The following MYO6 variants were observed in gnomAD, a reference collection of about 807,000 sequenced individuals.
MYO6 encodes the protein myosin VI.
A neutral mutation model predicts 178.7 loss-of-function variants in MYO6; 74 were observed. That is an observed-to-expected ratio of 0.41 (90% CI 0.34 to 0.50). MYO6 has a LOEUF of 0.50. Ranked by LOEUF, MYO6 falls within the 20% of genes least tolerant of loss-of-function variation. MYO6 has a pLI of 0.09. For missense variants in MYO6, 1,330 were observed against 1,547.4 expected, an observed-to-expected ratio of 0.86 and a Z score of 2.36; for synonymous variants, 477 against 504.6, an observed-to-expected ratio of 0.95 and a Z score of 0.73.
At chr6:75,901,802 C>T (rs993463858) in intron 30 of MYO6, among the ~76,000 whole-genome samples, 17 of 152,116 alleles carry the variant, frequency 1.1e-4, no homozygotes, top group East Asian at 7.7e-4. Flanking sequence ...TGTCTTGTGC[C>T]GGTTTTCACA....
At chr6:75,809,777 T>C (rs1770488700) in intron 1 of MYO6, among the ~76,000 whole-genome samples, 1 of 151,480 alleles carries the variant, frequency 6.6e-6, no homozygotes, top group Admixed American at 6.6e-5. Flanking sequence ...ATAAGGGGGA[T>C]GTCAGCCCGG....
At chr6:75,885,705 C>G (rs1315851693) in intron 23 of MYO6, among the ~76,000 whole-genome samples, 1 of 152,064 alleles carries the variant, frequency 6.6e-6, no homozygotes, top group African/African-American at 2.4e-5. Context: ...CTTGGCCTCC[C>G]GAAGTGCTGG....
Position 75,866,514 on chromosome 6 carries a change from A to G in MYO6, c.1675-12A>G, listed in dbSNP as rs745698362. On this transcript the variant is annotated splice_polypyrimidine_tract_variant and intron_variant, in intron 16 of 34. Coordinates refer to ENST00000369977, the MANE Select transcript of MYO6 (RefSeq NM_004999.4). ...TGATCATTTAATAACTCATATATGT[A>G]TTGTTTTTCAGATTCCCAGAAAATC... The G allele has an allele frequency of 1.3e-6, 2 of 1,591,276 alleles. No individual in the cohort carries two copies. The highest frequency in any genetic ancestry group is 2.7e-5 in the African/African-American group (2 of 74,594).
Position 75,915,173 on chromosome 6 carries a change from A to G in MYO6, c.*161A>G. On this transcript the variant is annotated 3_prime_UTR_variant, in exon 35 of 35. Transcript: ENST00000369977. Reference sequence around the variant, plus strand: ...TTGGTGAATTTGTTTAAGGTTAATTATGGTAGCAAATTTTGGACCTAAACA... The same window carrying G: ...TTGGTGAATTTGTTTAAGGTTAATTGTGGTAGCAAATTTTGGACCTAAACA... 1.3e-6 allele frequency: 1 copy of G among 744,706 alleles called. No homozygotes were observed. Among genetic ancestry groups the G allele is most frequent in the East Asian group, 2.7e-5 (1 of 37,000 alleles). 46.1% of individuals were successfully genotyped at this position (744,706 alleles called of 1,614,324 possible). A position where few individuals can be genotyped will look rare whatever the true frequency, so the allele number is the denominator to read the frequency against.
At chr6:75,768,275 C>A (rs754419420) in intron 1 of MYO6, 57 of 152,166 alleles carry the variant, frequency 3.7e-4, no homozygotes, top group Non-Finnish European at 5.9e-4. Flanking sequence ...AATTTAAATA[C>A]AAGATTTTAA....
At chr6:75,826,346 T>C (rs1194598636) in intron 3 of MYO6, among the ~76,000 whole-genome samples, 2 of 152,186 alleles carry the variant, frequency 1.3e-5, no homozygotes, top group African/African-American at 4.8e-5. Context: ...ATTTATTTGG[T>C]TTAATAAACA....
At chr6:75,784,977 A>C (rs1376358549) in intron 1 of MYO6, among the ~76,000 whole-genome samples, 2 of 152,170 alleles carry the variant, frequency 1.3e-5, no homozygotes, top group African/African-American at 4.8e-5. Flanking sequence ...TTATGCTTTT[A>C]GTATTCAGTG....
intron 1 of MYO6, among the ~76,000 whole-genome samples, chr6:75,793,331 G>T (rs1263384444): frequency 6.6e-6 from 1 of 152,170 alleles, no homozygotes; most frequent in Non-Finnish European, 1.5e-5. Context: ...TGGGCTGAGT[G>T]TGGTGGCTCA....
At chr6:75,896,457 A>G (rs1779309793) in intron 29 of MYO6, among the ~76,000 whole-genome samples, 1 of 152,008 alleles carries the variant, frequency 6.6e-6, no homozygotes, top group Non-Finnish European at 1.5e-5. Context: ...ACATGCCATG[A>G]AATTGTGAAC....
intron 20 of MYO6, among the ~76,000 whole-genome samples, chr6:75,875,276 A>T (rs867684329): frequency 2.6e-5 from 4 of 151,860 alleles, no homozygotes; most frequent in African/African-American, 9.7e-5. Flanking sequence ...TTAATTAAAA[A>T]TTTTTTTTTG....
At chr6:75,874,957 C>A (rs1777450719) in intron 20 of MYO6, among the ~76,000 whole-genome samples, 1 of 152,196 alleles carries the variant, frequency 6.6e-6, no homozygotes, top group African/African-American at 2.4e-5. Flanking sequence ...TGACTCTGGC[C>A]AACCCTTTTA....
At chr6:75,760,570 G>A (rs1038353370) in intron 1 of MYO6, among the ~76,000 whole-genome samples, 3 of 151,850 alleles carry the variant, frequency 2.0e-5, no homozygotes, top group African/African-American at 7.3e-5. Context: ...AGAGAATTTA[G>A]CATACAAATA....
At chr6:75,834,481 C>T (rs1484121887) in intron 6 of MYO6, among the ~76,000 whole-genome samples, 1 of 152,168 alleles carries the variant, frequency 6.6e-6, no homozygotes. Flanking sequence ...GATGCTCCCA[C>T]TTTGACCTCC....
At chr6:75,895,146 G>T in intron 28 of MYO6, 85 bp from the exon 29 acceptor site, 1 of 1,020,312 alleles carries the variant, frequency 9.8e-7, no homozygotes, top group Non-Finnish European at 1.5e-6. Context: ...AATGAGTAAA[G>T]TAATTGAAAC....
intron 30 of MYO6, among the ~76,000 whole-genome samples, chr6:75,898,789 C>T (rs1206935224): frequency 6.6e-6 from 1 of 152,162 alleles, no homozygotes; most frequent in Non-Finnish European, 1.5e-5. Context: ...TTGGGCACCA[C>T]TGTGCGTCGT....
chr6:75,767,644 G>C (rs1373250914), intron 1 of MYO6, among the ~76,000 whole-genome samples: 1 of 149,582 alleles, frequency 6.7e-6, no homozygotes, highest in African/African-American at 2.5e-5. Flanking sequence ...CCCAGCCTCT[G>C]AGTAACTGAG....
chr6:75,906,227 T>G (rs1276661537), intron 30 of MYO6, among the ~76,000 whole-genome samples: 4 of 126,162 alleles, frequency 3.2e-5, no homozygotes, highest in Non-Finnish European at 5.7e-5. Flanking sequence ...TGTGATGTAT[T>G]TAAACGCTTC....
intron 1 of MYO6, among the ~76,000 whole-genome samples, chr6:75,802,189 C>G (rs905006291): frequency 6.6e-6 from 1 of 152,030 alleles, no homozygotes; most frequent in African/African-American, 2.4e-5. Context: ...ATTTCTTTGG[C>G]TGGGCATGGT....
chr6:75,813,082 A>C (rs574145037), intron 1 of MYO6, among the ~76,000 whole-genome samples: 1 of 152,174 alleles, frequency 6.6e-6, no homozygotes, highest in Non-Finnish European at 1.5e-5. Context: ...TATTCTGTGT[A>C]CTTACTATTA....
Sources: gnomAD v4.1 joint callset for allele counts (sites outside exome capture counted in the v4.1 genomes callset) on GRCh38, gnomAD v4.1.1 for gene constraint, MANE v1.5 for transcripts, NCBI Gene and HGNC (gene_info 2026-07-23, HGNC 2026-07-21) for gene names.